The following CEP63 variants were observed in gnomAD, a reference collection of about 807,000 sequenced individuals.
The protein encoded by CEP63 is centrosomal protein of 63 kDa.
In CEP63, 84 loss-of-function variants were observed where a neutral mutation model predicts 89.1. That is an observed-to-expected ratio of 0.94 (90% CI 0.79 to 1.13). The LOEUF (loss-of-function observed/expected upper bound fraction) is 1.13. Ranked by LOEUF, CEP63 falls within the 50% of genes most tolerant of loss-of-function variation. CEP63 has a pLI of 0.00. For synonymous variants in CEP63, 267 were observed against 272.5 expected, an observed-to-expected ratio of 0.98 and a Z score of 0.20; for missense variants, 838 against 813.3, an observed-to-expected ratio of 1.03 and a Z score of -0.37.
the CEP63 span, among the ~76,000 whole-genome samples, chr3:134,673,038 G>A: frequency 6.6e-6 from 1 of 152,148 alleles, no homozygotes; most frequent in Non-Finnish European, 1.5e-5. Flanking sequence ...ACCCTTCATA[G>A]TACTTCCACC....
downstream of CEP63, among the ~76,000 whole-genome samples, chr3:134,576,988 A>C (rs2110312450): frequency 6.6e-6 from 1 of 152,298 alleles, no homozygotes; most frequent in Middle Eastern, 3.4e-3. Context: ...GCGCAGGCCA[A>C]ACAGTAAAGT....
chr3:134,710,515 C>T, the CEP63 span, among the ~76,000 whole-genome samples: 25 of 152,156 alleles, frequency 1.6e-4, no homozygotes, highest in South Asian at 6.2e-4. Flanking sequence ...AGAAATAACA[C>T]GAGCATAGTT....
In CEP63 at chr3:134,507,241, G is replaced by C. The variant is rs1943693219; in HGVS notation, c.177G>C (p.Gln59His). Residue 59 changes from glutamine to histidine, a missense_variant, in exon 3 of 15, where the codon CAG (glutamine) becomes CAC (histidine). Physicochemically the swap from Gln to His is conservative, Grantham distance 24 (BLOSUM62 0). Coordinates refer to ENST00000675561, the MANE Select transcript of CEP63 (RefSeq NM_001353108.3). ...ALETCLKIRE[Q>H]ELKSLRSQLD... Reference sequence around the variant, plus strand: ...AAACTTGCTTGAAAATCCGTGAACAGGAACTTAAGAGTCTTAGGAGTCAGT... The same window carrying C: ...AAACTTGCTTGAAAATCCGTGAACACGAACTTAAGAGTCTTAGGAGTCAGT... 9.9e-6 allele frequency: 16 copies of C among 1,613,524 alleles called. No homozygotes were observed. The highest frequency in any genetic ancestry group is 1.3e-5 in the Non-Finnish European group (15 of 1,179,716).
chr3:134,748,879 G>T, the CEP63 span, among the ~76,000 whole-genome samples: 1 of 152,232 alleles, frequency 6.6e-6, no homozygotes, highest in Non-Finnish European at 1.5e-5. Flanking sequence ...CACCCAGAAA[G>T]GGAGTGGCCA....
At chr3:134,737,086 G>A in the CEP63 span, among the ~76,000 whole-genome samples, 5 of 152,070 alleles carry the variant, frequency 3.3e-5, no homozygotes, top group East Asian at 9.6e-4. Context: ...ATAATATGAA[G>A]TCAATTGTTA....
At chr3:134,527,200 G>A (rs1948830770) in intron 3 of CEP63, among the ~76,000 whole-genome samples, 1 of 152,200 alleles carries the variant, frequency 6.6e-6, no homozygotes, top group African/African-American at 2.4e-5. Context: ...CCACAGTGGA[G>A]GAGGCAACAC....
At chr3:134,577,740 T>G (rs781620756), downstream of CEP63, among the ~76,000 whole-genome samples, 6 of 152,102 alleles carry the variant, frequency 3.9e-5, no homozygotes, top group Non-Finnish European at 8.8e-5. Context: ...CCAAATGCAT[T>G]AGCTGTTTGT....
chr3:134,554,606 G>A (rs1321095213), intron 12 of CEP63, among the ~76,000 whole-genome samples: 3 of 150,244 alleles, frequency 2.0e-5, no homozygotes, highest in Non-Finnish European at 4.5e-5. Context: ...CCCAGTAATG[G>A]GATGGCTGGG....
chr3:134,706,988 A>T, the CEP63 span, among the ~76,000 whole-genome samples: 1 of 152,212 alleles, frequency 6.6e-6, no homozygotes, highest in Non-Finnish European at 1.5e-5. Context: ...ATCTCATCCT[A>T]AGATCTTTAA....
chr3:134,493,605 A>G (rs377162737), intron 1 of CEP63, among the ~76,000 whole-genome samples: 2 of 152,322 alleles, frequency 1.3e-5, no homozygotes, highest in South Asian at 4.1e-4. Context: ...ATCTTTAAAA[A>G]TAGATGCAAA....
chr3:134,620,872 G>A, the CEP63 span: 1 of 1,565,784 alleles, frequency 6.4e-7, no homozygotes, highest in Non-Finnish European at 8.8e-7. Context: ...GGAGCAGGAA[G>A]GGTGTGCTGT....
the CEP63 span, among the ~76,000 whole-genome samples, chr3:134,594,711 G>T: frequency 6.6e-6 from 1 of 152,274 alleles, no homozygotes; most frequent in Non-Finnish European, 1.5e-5. Flanking sequence ...CAGCTGTTTT[G>T]GTCAACAGCC....
chr3:134,561,232 G>C, intron 14 of CEP63, 145 bp from the exon 15 acceptor site: 1 of 799,480 alleles, frequency 1.3e-6, no homozygotes, highest in South Asian at 1.5e-5. Flanking sequence ...TATTGCTCTT[G>C]TCATTAGGAT....
chr3:134,728,629 G>A, the CEP63 span, among the ~76,000 whole-genome samples: 3 of 152,298 alleles, frequency 2.0e-5, no homozygotes, highest in Admixed American at 2.0e-4. Flanking sequence ...CAGTGGACAG[G>A]TGACAAAGGT....
the CEP63 span, among the ~76,000 whole-genome samples, chr3:134,605,896 C>T: frequency 1.3e-5 from 2 of 152,218 alleles, no homozygotes; most frequent in African/African-American, 2.4e-5. Flanking sequence ...AACTCCAATG[C>T]CATTGCTTCC....
At chr3:134,679,727 G>T in the CEP63 span, among the ~76,000 whole-genome samples, 1 of 152,110 alleles carries the variant, frequency 6.6e-6, no homozygotes, top group Non-Finnish European at 1.5e-5. Flanking sequence ...TGGCAATTTT[G>T]TTTGTTTGTT....
intron 2 of CEP63, among the ~76,000 whole-genome samples, chr3:134,503,328 A>G (rs1464737959): frequency 1.3e-5 from 2 of 151,822 alleles, no homozygotes; most frequent in Non-Finnish European, 2.9e-5. Flanking sequence ...CAGTTTCCAA[A>G]GTTTCTCTTA....
the CEP63 span, among the ~76,000 whole-genome samples, chr3:134,663,756 G>A: frequency 1.3e-5 from 2 of 152,236 alleles, no homozygotes; most frequent in African/African-American, 4.8e-5. Flanking sequence ...GCTGCACCAG[G>A]CCTGAGTTAC....
intron 2 of CEP63, among the ~76,000 whole-genome samples, chr3:134,496,114 T>G (rs981451432): frequency 3.9e-5 from 6 of 152,210 alleles, no homozygotes; most frequent in Admixed American, 2.0e-4. Context: ...CTGAATCATA[T>G]GTGTTGTGAG....
Sources: gnomAD v4.1 joint callset for allele counts (sites outside exome capture counted in the v4.1 genomes callset) on GRCh38, gnomAD v4.1.1 for gene constraint, MANE v1.5 for transcripts, NCBI Gene and HGNC (gene_info 2026-07-23, HGNC 2026-07-21) for gene names.